The following ADAMTS12 variants were observed in gnomAD, a reference collection of about 807,000 sequenced individuals.
ADAMTS12 encodes A disintegrin and metalloproteinase with thrombospondin motifs 12.
In ADAMTS12, 118 loss-of-function variants were observed where a neutral mutation model predicts 167.8. The observed-to-expected ratio is 0.70, with a 90% CI of 0.61 to 0.82. The LOEUF (loss-of-function observed/expected upper bound fraction) is 0.82. Among genes scored for constraint, ADAMTS12 ranks in the 40% least tolerant of loss-of-function variants. The pLI is 0.00. For missense variants in ADAMTS12, 1,916 were observed against 1,998.8 expected (o/e 0.96, Z 0.79); for synonymous variants, 704 against 716.9 (o/e 0.98, Z 0.29).
intron 19 of ADAMTS12, among the ~76,000 whole-genome samples, chr5:33,571,832 A>C (rs1374175972): frequency 1.3e-5 from 2 of 151,820 alleles, no homozygotes; most frequent in South Asian, 4.2e-4. Flanking sequence ...AAGGATCAAC[A>C]AAATTGATAG....
intron 22 of ADAMTS12, 38 bp from the exon 23 acceptor site, chr5:33,535,030 C>T (rs66492429): frequency 0.037 from 57,444 of 1,550,404 alleles, 1,251 homozygotes; most frequent in Non-Finnish European, 0.043. Flanking sequence ...GAAGTCCTCC[C>T]CACGACTCCC....
chr5:33,726,400 T>C (rs1165667539), intron 3 of ADAMTS12, among the ~76,000 whole-genome samples: 1 of 152,164 alleles, frequency 6.6e-6, no homozygotes, highest in Non-Finnish European at 1.5e-5. Context: ...CAAATTGTCT[T>C]TATTATTGTT....
intron 12 of ADAMTS12, among the ~76,000 whole-genome samples, chr5:33,635,299 C>A (rs1413823447): frequency 6.6e-6 from 1 of 152,052 alleles, no homozygotes; most frequent in Non-Finnish European, 1.5e-5. Context: ...ACGAAATAAT[C>A]GAAGGTTTTA....
intron 17 of ADAMTS12, among the ~76,000 whole-genome samples, chr5:33,591,216 T>C: frequency 6.6e-6 from 1 of 152,104 alleles, no homozygotes; most frequent in South Asian, 2.1e-4. Context: ...GTAGAAGGGA[T>C]GGGTTAGAGA....
chr5:33,581,378 G>A (rs1453562151), intron 18 of ADAMTS12, among the ~76,000 whole-genome samples: 1 of 152,134 alleles, frequency 6.6e-6, no homozygotes, highest in East Asian at 1.9e-4. Flanking sequence ...CCTGGATACA[G>A]GCCTCTTGTC....
At chr5:33,871,872 C>T (rs890331506) in intron 2 of ADAMTS12, among the ~76,000 whole-genome samples, 1 of 152,052 alleles carries the variant, frequency 6.6e-6, no homozygotes, top group Non-Finnish European at 1.5e-5. Flanking sequence ...GAACATTTCT[C>T]ACATGTTCAT....
intron 2 of ADAMTS12, among the ~76,000 whole-genome samples, chr5:33,799,153 G>A (rs1746896676): frequency 6.6e-6 from 1 of 152,168 alleles, no homozygotes; most frequent in Non-Finnish European, 1.5e-5. Flanking sequence ...ACCAGTGTGG[G>A]CATGTGTGCT....
intron 17 of ADAMTS12, among the ~76,000 whole-genome samples, chr5:33,589,490 G>T (rs536892752): frequency 2.0e-5 from 3 of 151,970 alleles, no homozygotes; most frequent in Non-Finnish European, 4.4e-5. Flanking sequence ...AGTAGAAAAA[G>T]AATAAACATA....
At chr5:33,553,626 T>C (rs1393930768) in intron 20 of ADAMTS12, among the ~76,000 whole-genome samples, 1 of 152,082 alleles carries the variant, frequency 6.6e-6, no homozygotes, top group Non-Finnish European at 1.5e-5. Flanking sequence ...GAAAACCAAA[T>C]ACCACATGTT....
chr5:33,565,885 G>A (rs573842354), intron 19 of ADAMTS12, among the ~76,000 whole-genome samples: 11 of 151,782 alleles, frequency 7.2e-5, no homozygotes, highest in African/African-American at 1.7e-4. Flanking sequence ...GTAATGGCTC[G>A]TTAAATCAAT....
chr5:33,667,617 A>G (rs4343844), intron 5 of ADAMTS12, among the ~76,000 whole-genome samples: 95,068 of 151,900 alleles, frequency 0.63, 29,745 homozygotes, highest in East Asian at 0.7. Context: ...CCCCAACAAT[A>G]CCTAGCATGG....
intron 16 of ADAMTS12, among the ~76,000 whole-genome samples, chr5:33,613,718 T>C (rs1738844411): frequency 1.3e-5 from 2 of 152,206 alleles, no homozygotes; most frequent in African/African-American, 4.8e-5. Context: ...ACTTATCCCA[T>C]CCTGACTAGT....
At chr5:33,603,528 A>AT (rs1420282205) in intron 16 of ADAMTS12, 1 of 152,180 alleles carries the variant, frequency 6.6e-6, no homozygotes, top group East Asian at 1.9e-4. Context: ...GTCACTCTCC[A>AT]TGGTAAGGCA....
At chr5:33,629,065 C>T (rs1739795643) in intron 13 of ADAMTS12, among the ~76,000 whole-genome samples, 1 of 152,150 alleles carries the variant, frequency 6.6e-6, no homozygotes, top group Admixed American at 6.5e-5. Flanking sequence ...AATTCGGGAT[C>T]TCTGGGATGT....
At chr5:33,842,410 G>C (rs1748777400) in intron 2 of ADAMTS12, among the ~76,000 whole-genome samples, 1 of 152,114 alleles carries the variant, frequency 6.6e-6, no homozygotes, top group Non-Finnish European at 1.5e-5. Context: ...TTGCTTTGGG[G>C]ATGGCTCCAG....
In ADAMTS12 at chr5:33,624,369, G is replaced by A. The variant is rs2112122319; in HGVS notation, c.2023-18C>T. On this transcript the variant is annotated intron_variant, in intron 13 of 23. Transcript: ENST00000504830. ...CCAACCATCTGTGGGGAAGAGAGGTGGAGGATGAATGCCCAGGCAGGGGAT... is the reference window on the plus strand; with the variant it reads ...CCAACCATCTGTGGGGAAGAGAGGTAGAGGATGAATGCCCAGGCAGGGGAT... 1.2e-6 allele frequency: 2 copies of A among 1,613,646 alleles called. No homozygotes were observed. The highest frequency in any genetic ancestry group is 2.2e-5 in the East Asian group (1 of 44,824).
intron 2 of ADAMTS12, among the ~76,000 whole-genome samples, chr5:33,865,190 C>T (rs1318109639): frequency 6.6e-6 from 1 of 151,976 alleles, no homozygotes; most frequent in African/African-American, 2.4e-5. Flanking sequence ...GAACTACAAA[C>T]CAATATCCCT....
chr5:33,649,515 G>A (rs781530659), intron 8 of ADAMTS12, 39 bp downstream of exon 8: 1 of 1,601,244 alleles, frequency 6.2e-7, no homozygotes, highest in South Asian at 1.1e-5. Context: ...CCAATTTAAA[G>A]AGACCCAGGT....
At chr5:33,725,786 G>GACCAGCAGC (rs756532858) in intron 3 of ADAMTS12, among the ~76,000 whole-genome samples, 3 of 152,088 alleles carry the variant, frequency 2.0e-5, no homozygotes, top group Non-Finnish European at 4.4e-5. Flanking sequence ...AGGTTCCCAG[G>GACCAGCAGC]ACCAGCAGCA....
Sources: gnomAD v4.1 joint callset for allele counts (sites outside exome capture counted in the v4.1 genomes callset) on GRCh38, gnomAD v4.1.1 for gene constraint, MANE v1.5 for transcripts, NCBI Gene and HGNC (gene_info 2026-07-23, HGNC 2026-07-21) for gene names.